FAM120A: variants seen among roughly 807,000 people sequenced by gnomAD.
FAM120A encodes family with sequence similarity 120 member A, also known as constitutive coactivator of PPAR-gamma-like protein 1.
Under a neutral mutation model 109.7 loss-of-function variants are expected in FAM120A, and 15 were observed. That is an observed-to-expected ratio of 0.14 (90% CI 0.09 to 0.21). The LOEUF (loss-of-function observed/expected upper bound fraction) is 0.21, where lower values mean the gene tolerates loss of function less well. Among genes scored for constraint, FAM120A ranks in the 10% least tolerant of loss-of-function variants. The probability of loss-of-function intolerance (pLI) is 1.00; values close to 1 mark genes in which losing one functional copy is unlikely to be tolerated. For missense variants in FAM120A, 899 were observed against 1,439.3 expected (o/e 0.62, Z 6.07); for synonymous variants, 493 against 572.8 (o/e 0.86, Z 1.99).
chr9:93,557,850 G>A lies in FAM120A; in HGVS notation c.2508G>A (p.Glu836=), dbSNP rs1163414473. 2 of 1,613,812 alleles carry A rather than the reference G, an allele frequency of 1.2e-6. No homozygotes were observed. The highest frequency in any genetic ancestry group is 1.7e-6 in the Non-Finnish European group (2 of 1,179,980). ...DGQADQAAKV[E]KMRQSVLEGL... is the part of the protein sequence containing the mutation. ...AGGCTGATCAGGCTGCCAAGGTAGA[G>A]AAGATGCGCCAGAGCGTCCTCGAGG... Residue 836 remains glutamate (E), a synonymous_variant, in exon 14 of 18, where the codon GAG becomes GAA. Transcript: ENST00000277165.
intron 1 of FAM120A, among the ~76,000 whole-genome samples, chr9:93,469,219 G>A (rs181528977): frequency 2.0e-5 from 3 of 152,352 alleles, no homozygotes; most frequent in Non-Finnish European, 4.4e-5. Flanking sequence ...TGGGAGATGA[G>A]TGCTGGCTGT....
chr9:93,453,464 C>G (rs1857384169), intron 1 of FAM120A: 28 of 985,484 alleles, frequency 2.8e-5, no homozygotes, highest in Non-Finnish European at 3.4e-5. Context: ...GCTCTTGACA[C>G]TCGGTCTTCC....
chr9:93,553,376 G>A (rs1189067258), intron 12 of FAM120A, among the ~76,000 whole-genome samples: 5 of 152,206 alleles, frequency 3.3e-5, no homozygotes, highest in Admixed American at 6.5e-5. Context: ...GGAAAATGAA[G>A]AGCTTTAAAG....
At chr9:93,553,562 G>T (rs947073639) in intron 12 of FAM120A, among the ~76,000 whole-genome samples, 1 of 152,186 alleles carries the variant, frequency 6.6e-6, no homozygotes, top group East Asian at 1.9e-4. Context: ...TTCCATATTT[G>T]TATTTCTTAT....
At chr9:93,492,276 A>G (rs1859361956) in intron 3 of FAM120A, among the ~76,000 whole-genome samples, 1 of 152,304 alleles carries the variant, frequency 6.6e-6, no homozygotes, top group East Asian at 1.9e-4. Context: ...AAAACACTTA[A>G]CAAGTTTCTA....
Position 93,560,376 on chromosome 9 carries a change from T to C in FAM120A, c.2807-733T>C, listed in dbSNP as rs79715337. Among the ~76,000 whole-genome samples, 1,018 of 152,368 alleles carry C rather than the reference T, an allele frequency of 6.7e-3. 15 individuals carry two copies. Among genetic ancestry groups the C allele is most frequent in the African/African-American group, 0.024 (984 of 41,588 alleles). ...TAAATAAATACATTTTTAAAACTTC[T>C]TTCCTCTGTTTCTTTGTACATTTTT... On this transcript the variant is annotated intron_variant, in intron 15 of 17. Coordinates refer to ENST00000277165, the MANE Select transcript of FAM120A (RefSeq NM_014612.5).
In FAM120A at chr9:93,550,652, C is replaced by T. The variant is rs1014308717; in HGVS notation, c.2235C>T (p.Ser745=). 6.2e-7 allele frequency: 1 copy of T among 1,613,952 alleles called. No homozygotes were observed. Among genetic ancestry groups the T allele is most frequent in the Non-Finnish European group, 8.5e-7 (1 of 1,180,026 alleles). ...ATGCCTTCCTGGCTCAGGCGCTGTC[C>T]CCCAAACTCTACGAGCCTGATCAGC... is the stretch of plus-strand genomic sequence containing the variant. ...ELDAFLAQAL[S]PKLYEPDQLQ... Residue 745 remains serine, a synonymous_variant, in exon 12 of 18, where the codon TCC becomes TCT. Coordinates refer to ENST00000277165, the MANE Select transcript of FAM120A (RefSeq NM_014612.5).
Position 93,497,726 on chromosome 9 carries a change from G to A in FAM120A, c.933+127G>A, listed in dbSNP as rs949965330. On this transcript the variant is annotated intron_variant, in intron 4 of 17. Transcript: ENST00000277165. ...TGACTGGATGGGTCTGAGAGCTCTTGCTCAGGCCACTGGAAGAAAGCTGCA... is the reference window on the plus strand; with the variant it reads ...TGACTGGATGGGTCTGAGAGCTCTTACTCAGGCCACTGGAAGAAAGCTGCA... 2.6e-5 allele frequency: 30 copies of A among 1,172,226 alleles called. No homozygotes were observed. In the African/African-American group the frequency reaches 4.3e-4, roughly 17 times the overall value. 72.6% of individuals were successfully genotyped at this position (1,172,226 alleles called of 1,614,324 possible).
In FAM120A at chr9:93,452,019, G is replaced by A; in HGVS notation, c.104G>A (p.Gly35Glu). The A allele has an allele frequency of 6.4e-7, 1 of 1,558,780 alleles. No homozygotes were observed. Among genetic ancestry groups the A allele is most frequent in the Non-Finnish European group, 8.7e-7 (1 of 1,152,658 alleles). ...GCCCGGGGCAGCCTGGTGGGCGGCG[G>A]GCGGCAGCGGCCCCCGCAGACCCCG... ...KLARGSLVGG[G>E]RQRPPQTPLR... Residue 35 changes from glycine to glutamate, a missense_variant, in exon 1 of 18, where the codon GGG becomes GAG. Physicochemically the swap from Gly to Glu is moderately conservative, Grantham distance 98 (BLOSUM62 -2). Coordinates refer to ENST00000277165, the MANE Select transcript of FAM120A (RefSeq NM_014612.5). The surrounding 1 kb of genome is among the most constrained non-coding windows in gnomAD (Gnocchi z 7.0).
Position 93,556,465 on chromosome 9 carries a change from A to G in FAM120A, c.2358A>G (p.Ala786=). 1 of 1,614,206 alleles carries G rather than the reference A, an allele frequency of 6.2e-7. No homozygotes were observed. Among genetic ancestry groups the G allele is most frequent in the Non-Finnish European group, 8.5e-7 (1 of 1,180,020 alleles). The change falls in exon 13 of 18, where the codon GCA becomes GCG. Residue 786 remains alanine, a synonymous_variant. Transcript: ENST00000277165. ...ACATGGCCTTGTTTGCAAATGATGC[A>G]TGCGGACAGCCAATCCCCTGGGAAC... ...GVDMALFAND[A]CGQPIPWEHC... is the part of the protein sequence containing the mutation.
chr9:93,451,791 G>A lies in FAM120A; in HGVS notation c.-125G>A, dbSNP rs1588755507. On this transcript the variant is annotated 5_prime_UTR_variant, in exon 1 of 18. Transcript: ENST00000277165. The stretch of plus-strand genomic sequence containing the variant: ...CCGCGGCGGCCATGAGCGCGCCCCC[G>A]ACCCGCCCCAGTCCCCCCTAGAGGC... The A allele has an allele frequency of 1.6e-6, 1 of 612,640 alleles. No individual in the cohort carries two copies. Among genetic ancestry groups the A allele is most frequent in the South Asian group, 7.7e-5 (1 of 12,946 alleles). 38.0% of individuals were successfully genotyped at this position (612,640 alleles called of 1,614,324 possible).
At chr9:93,556,262 TTAG>T (rs770381572) in intron 12 of FAM120A, 117 bp from the exon 13 acceptor site, 6 of 744,932 alleles carry the variant, frequency 8.1e-6, no homozygotes, top group Non-Finnish European at 1.4e-5. Flanking sequence ...GTAGGACTAC[TTAG>T]TGGTGCTGTT....
intron 3 of FAM120A, among the ~76,000 whole-genome samples, chr9:93,486,983 A>G (rs551173402): frequency 6.6e-6 from 1 of 152,122 alleles, no homozygotes; most frequent in East Asian, 1.9e-4. Context: ...CATCTTAGTG[A>G]GCTTAATGAG....
chr9:93,556,658 A>G, intron 13 of FAM120A, 67 bp downstream of exon 13: 1 of 1,435,730 alleles, frequency 7.0e-7, no homozygotes, highest in Non-Finnish European at 9.8e-7. Context: ...TAAATCTGTC[A>G]TCTTTTATAC....
At chr9:93,479,841 G>A (rs995839429) in intron 3 of FAM120A, among the ~76,000 whole-genome samples, 4 of 152,152 alleles carry the variant, frequency 2.6e-5, no homozygotes, top group Non-Finnish European at 4.4e-5. Flanking sequence ...ACATCAGTTA[G>A]AAATTGTGAA....
At chr9:93,502,086 A>G (rs1859827471) in intron 5 of FAM120A, among the ~76,000 whole-genome samples, 1 of 152,228 alleles carries the variant, frequency 6.6e-6, no homozygotes. Context: ...GTGATCTGTC[A>G]TAGAATCCAA....
intron 3 of FAM120A, among the ~76,000 whole-genome samples, chr9:93,490,666 A>G (rs1859274333): frequency 6.6e-6 from 1 of 152,252 alleles, no homozygotes; most frequent in Admixed American, 6.5e-5. Context: ...ATATTAGAAA[A>G]CAGTGAATAA....
intron 10 of FAM120A, among the ~76,000 whole-genome samples, chr9:93,534,473 G>A (rs922033985): frequency 2.0e-5 from 3 of 152,186 alleles, no homozygotes; most frequent in African/African-American, 4.8e-5. Context: ...TGCCATTGAT[G>A]TAGGTGGAGG....
rs531918567 is a variant in FAM120A at position 93,544,808 on chromosome 9, C to T, written c.2159+1337C>T. ...GAGTGATGCCCTGCCTGGGGGTGCACACCTCCTTCTGTCCCATTAGGCAGG... is the reference window on the plus strand; with the variant it reads ...GAGTGATGCCCTGCCTGGGGGTGCATACCTCCTTCTGTCCCATTAGGCAGG... On this transcript the variant is annotated intron_variant, in intron 11 of 17. Coordinates refer to ENST00000277165, the MANE Select transcript of FAM120A (RefSeq NM_014612.5). 3.8e-3 allele frequency among the ~76,000 whole-genome samples: 585 copies of T among 152,246 alleles called. 4 individuals are homozygous for T. Among genetic ancestry groups the T allele is most frequent in the African/African-American group, 0.014 (562 of 41,558 alleles).
Sources: gnomAD v4.1 joint callset for allele counts (sites outside exome capture counted in the v4.1 genomes callset) on GRCh38, gnomAD v4.1.1 for gene constraint, Gnocchi (gnomAD v3.1) non-coding constraint, MANE v1.5 for transcripts, NCBI Gene and HGNC (gene_info 2026-07-23, HGNC 2026-07-21) for gene names.